Variants in PAPPA2 observed in about 807,000 individuals in gnomAD.
PAPPA2 encodes pappalysin-2.
Under a neutral mutation model 176.4 loss-of-function variants are expected in PAPPA2, and 86 were observed. The ratio of observed to expected loss-of-function variants is 0.49; its 90% CI spans 0.41 to 0.58. The LOEUF (loss-of-function observed/expected upper bound fraction) is 0.58, where lower values mean the gene tolerates loss of function less well. Ranked by LOEUF, PAPPA2 falls within the 20% of genes least tolerant of loss-of-function variation. The pLI, the probability that PAPPA2 is intolerant of heterozygous loss-of-function variation, is 0.00. For missense variants in PAPPA2, 2,073 were observed against 2,256.9 expected (o/e 0.92, Z 1.65); for synonymous variants, 809 against 852.2 (o/e 0.95, Z 0.88).
At chr1:176,715,486 C>T (rs1466261847) in intron 12 of PAPPA2, among the ~76,000 whole-genome samples, 2 of 152,180 alleles carry the variant, frequency 1.3e-5, no homozygotes, top group African/African-American at 4.8e-5. Context: ...CCTTGTGGGG[C>T]CTCTGTGCCC....
At chr1:176,752,279 A>C (rs1340375427) in intron 14 of PAPPA2, among the ~76,000 whole-genome samples, 1 of 134,358 alleles carries the variant, frequency 7.4e-6, no homozygotes, top group Non-Finnish European at 1.6e-5. Flanking sequence ...CCAGCATGGC[A>C]CATGTATACA....
intron 14 of PAPPA2, among the ~76,000 whole-genome samples, chr1:176,763,558 A>T (rs1365933031): frequency 6.6e-6 from 1 of 152,208 alleles, no homozygotes; most frequent in Non-Finnish European, 1.5e-5. Flanking sequence ...GCAAATTTTT[A>T]TTGTGTCAAC....
At chr1:176,695,993 TG>T in intron 7 of PAPPA2, 134 bp downstream of exon 7, 2 of 1,104,070 alleles carry the variant, frequency 1.8e-6, no homozygotes, top group Admixed American at 4.5e-5. Flanking sequence ...TGTGTGTGTG[TG>T]TGTGTGTGTG....
intron 1 of PAPPA2, among the ~76,000 whole-genome samples, chr1:176,531,845 T>G (rs1487266993): frequency 6.6e-6 from 1 of 152,216 alleles, no homozygotes; most frequent in African/African-American, 2.4e-5. Context: ...TAGTATTTTA[T>G]AGCACTCATA....
intron 1 of PAPPA2, among the ~76,000 whole-genome samples, chr1:176,519,896 T>C (rs1182075834): frequency 1.3e-5 from 2 of 152,216 alleles, no homozygotes; most frequent in East Asian, 1.9e-4. Flanking sequence ...TGTTATCAAG[T>C]ACTCTTCTAC....
intron 1 of PAPPA2, among the ~76,000 whole-genome samples, chr1:176,535,859 C>G (rs565864827): frequency 6.6e-6 from 1 of 152,306 alleles, no homozygotes; most frequent in African/African-American, 2.4e-5. Flanking sequence ...GGGCCTGGCA[C>G]AGAGTAAGTG....
At chr1:176,525,947 G>A (rs1300757327) in intron 1 of PAPPA2, among the ~76,000 whole-genome samples, 1 of 152,116 alleles carries the variant, frequency 6.6e-6, no homozygotes, top group Non-Finnish European at 1.5e-5. Context: ...GAGTAGAGGT[G>A]GGCTGCTAGG....
intron 2 of PAPPA2, among the ~76,000 whole-genome samples, chr1:176,574,452 T>C (rs1022440197): frequency 2.6e-5 from 4 of 152,198 alleles, no homozygotes; most frequent in Non-Finnish European, 5.9e-5. Flanking sequence ...AGCTGGTGGC[T>C]CTAGCCCCAC....
intron 18 of PAPPA2, 47 bp from the exon 19 acceptor site, chr1:176,791,300 T>C (rs1265614104): frequency 7.0e-7 from 1 of 1,434,920 alleles, no homozygotes; most frequent in East Asian, 3.1e-5. Context: ...CAACTCTCAA[T>C]AAAGTTAACA....
chr1:176,573,551 G>A (rs1008472949), intron 2 of PAPPA2, among the ~76,000 whole-genome samples: 8 of 152,138 alleles, frequency 5.3e-5, no homozygotes, highest in South Asian at 2.1e-4. Flanking sequence ...AAAAAATCAC[G>A]TGTTTAAAAT....
chr1:176,665,193 C>T (rs1422497445), intron 3 of PAPPA2, among the ~76,000 whole-genome samples: 1 of 152,172 alleles, frequency 6.6e-6, no homozygotes, highest in African/African-American at 2.4e-5. Context: ...CTACCATTAA[C>T]AATCAAATTA....
chr1:176,816,197 T>TA (rs1557889344), intron 21 of PAPPA2, among the ~76,000 whole-genome samples: 4 of 89,204 alleles, frequency 4.5e-5, no homozygotes, highest in Non-Finnish European at 9.1e-5. Context: ...TATATATATA[T>TA]GTACACATAC....
intron 4 of PAPPA2, among the ~76,000 whole-genome samples, chr1:176,677,603 A>T (rs1339983979): frequency 1.3e-5 from 2 of 152,110 alleles, no homozygotes; most frequent in African/African-American, 4.8e-5. Context: ...AAAGCAGAAC[A>T]CTTAAGTTAG....
chr1:176,671,171 G>A (rs1362065717), intron 4 of PAPPA2, 56 bp downstream of exon 4: 6 of 1,590,912 alleles, frequency 3.8e-6, no homozygotes, highest in Admixed American at 1.8e-5. Flanking sequence ...GCTGAAGGAA[G>A]CTTGCGAAAG....
rs560008691 is a variant in PAPPA2, at chr1:176,476,652, C to T, written c.-917+13234C>T. ...AAGCTAGCACTTTGGACCTTCACTT[C>T]AAGAAGCCTTTTCATTTCAATTGAT... On this transcript the variant is annotated intron_variant, in intron 1 of 22. Coordinates refer to ENST00000367662, the MANE Select transcript of PAPPA2 (RefSeq NM_020318.3). 5.3e-5 allele frequency among the ~76,000 whole-genome samples: 8 copies of T among 152,300 alleles called. No homozygotes were observed. The South Asian group carries it at 1.7e-3, about 32-fold the overall frequency.
chr1:176,813,543 A>G (rs1030304088), intron 21 of PAPPA2, among the ~76,000 whole-genome samples: 15 of 152,172 alleles, frequency 9.9e-5, no homozygotes, highest in Non-Finnish European at 2.1e-4. Context: ...ATGATCGGTG[A>G]TGTTGATCTT....
At chr1:176,554,141 G>C (rs1365389743) in intron 1 of PAPPA2, among the ~76,000 whole-genome samples, 1 of 152,104 alleles carries the variant, frequency 6.6e-6, no homozygotes, top group Non-Finnish European at 1.5e-5. Flanking sequence ...GGACATGCTG[G>C]GGATGAGGTG....
At chr1:176,740,721 A>G (rs1662640679) in intron 14 of PAPPA2, among the ~76,000 whole-genome samples, 1 of 152,262 alleles carries the variant, frequency 6.6e-6, no homozygotes, top group East Asian at 1.9e-4. Context: ...TGTGGCTATG[A>G]GGTTCACTAG....
chr1:176,616,698 T>C (rs1655282456), intron 3 of PAPPA2: 3 of 1,496,884 alleles, frequency 2.0e-6, no homozygotes, highest in African/African-American at 1.4e-5. Context: ...TATAAATTTA[T>C]TTAAGGTCAC....
Sources: gnomAD v4.1 joint callset for allele counts (sites outside exome capture counted in the v4.1 genomes callset) on GRCh38, gnomAD v4.1.1 for gene constraint, MANE v1.5 for transcripts, NCBI Gene and HGNC (gene_info 2026-07-23, HGNC 2026-07-21) for gene names.